Variants in BBX observed in about 807,000 individuals in gnomAD.
BBX encodes the protein BBX high mobility group box domain containing.
In BBX, 30 loss-of-function variants were observed where a neutral mutation model predicts 100.2. The observed-to-expected ratio is 0.30, with a 90% confidence interval of 0.22 to 0.41. The LOEUF (loss-of-function observed/expected upper bound fraction) is 0.41. BBX is among the 10% of genes least tolerant of loss of function. The pLI is 1.00. For missense variants in BBX, 1,023 were observed against 1,129.8 expected, an observed-to-expected ratio of 0.91 and a Z score of 1.35; for synonymous variants, 376 against 388.1, an observed-to-expected ratio of 0.97 and a Z score of 0.37.
chr3:107,559,382 T>C (rs2050318511), intron 2 of BBX, among the ~76,000 whole-genome samples: 1 of 152,176 alleles, frequency 6.6e-6, no homozygotes, highest in South Asian at 2.1e-4. Context: ...ATTGAAAAGA[T>C]ACTACAGAAG....
intron 2 of BBX, among the ~76,000 whole-genome samples, chr3:107,635,197 G>A (rs914340164): frequency 5.3e-5 from 8 of 152,100 alleles, no homozygotes; most frequent in Non-Finnish European, 8.8e-5. Flanking sequence ...AATAGTTTGG[G>A]TATTGATATA....
chr3:107,794,841 A>G (rs528620434), intron 15 of BBX, among the ~76,000 whole-genome samples: 1 of 152,340 alleles, frequency 6.6e-6, no homozygotes, highest in African/African-American at 2.4e-5. Flanking sequence ...TACAAGAGCA[A>G]TGCTGCTTTC....
At chr3:107,645,537 T>C (rs1450337908) in intron 2 of BBX, among the ~76,000 whole-genome samples, 4 of 152,182 alleles carry the variant, frequency 2.6e-5, no homozygotes, top group Non-Finnish European at 5.9e-5. Context: ...TACACTTAAT[T>C]ATAGCCAAAA....
chr3:107,654,187 C>T (rs559036878), intron 3 of BBX, among the ~76,000 whole-genome samples: 114 of 152,290 alleles, frequency 7.5e-4, no homozygotes, highest in African/African-American at 2.5e-3. Context: ...AGGACAGAAG[C>T]ATACAGATCA....
chr3:107,591,965 T>TG (rs1353301650), intron 2 of BBX, among the ~76,000 whole-genome samples: 2 of 152,220 alleles, frequency 1.3e-5, no homozygotes, highest in Non-Finnish European at 2.9e-5. Flanking sequence ...GTCTTTATGC[T>TG]GGTTAGCATT....
Position 107,710,639 on chromosome 3 carries a change from C to A in BBX, c.162+17C>A. On this transcript the variant is annotated intron_variant, in intron 4 of 17. Coordinates refer to ENST00000325805, the MANE Select transcript of BBX (RefSeq NM_001142568.3). Reference sequence around the variant, plus strand: ...ATTGATAAGGTAAGTCCTATATTTACCATAGAAGTTTCAAGTTTATTAGAG... The same window carrying A: ...ATTGATAAGGTAAGTCCTATATTTAACATAGAAGTTTCAAGTTTATTAGAG... The A allele has an allele frequency of 6.4e-7, 1 of 1,565,712 alleles. No homozygotes were observed. Among genetic ancestry groups the A allele is most frequent in the Non-Finnish European group, 8.7e-7 (1 of 1,155,908 alleles).
chr3:107,761,898 G>T (rs987577796), intron 10 of BBX, among the ~76,000 whole-genome samples: 3 of 152,078 alleles, frequency 2.0e-5, no homozygotes, highest in African/African-American at 7.2e-5. Flanking sequence ...GATTTCTGTT[G>T]TGTCTTCATA....
intron 3 of BBX, among the ~76,000 whole-genome samples, chr3:107,667,241 A>G (rs1470240176): frequency 2.0e-5 from 3 of 152,196 alleles, no homozygotes; most frequent in Non-Finnish European, 4.4e-5. Flanking sequence ...TGTTATTATA[A>G]TGTGTCTTTG....
chr3:107,545,948 A>C (rs1192999488), intron 2 of BBX, among the ~76,000 whole-genome samples: 1 of 152,232 alleles, frequency 6.6e-6, no homozygotes, highest in Non-Finnish European at 1.5e-5. Context: ...TAGAAAGGGC[A>C]CTAAAATGTT....
At chr3:107,566,013 A>C (rs2050873653) in intron 2 of BBX, among the ~76,000 whole-genome samples, 1 of 151,532 alleles carries the variant, frequency 6.6e-6, no homozygotes, top group Non-Finnish European at 1.5e-5. Flanking sequence ...ATCTCTACTA[A>C]AAATACAAAA....
At chr3:107,663,313 A>G (rs1390802427) in intron 3 of BBX, among the ~76,000 whole-genome samples, 2 of 152,182 alleles carry the variant, frequency 1.3e-5, no homozygotes, top group African/African-American at 4.8e-5. Context: ...CTTTAGAATC[A>G]TGATGAATCT....
chr3:107,634,578 A>G lies in BBX; in HGVS notation c.-83-11258A>G, dbSNP rs2107740552. Among the ~76,000 whole-genome samples the G allele has an allele frequency of 2.0e-5, 3 of 152,340 alleles. No homozygotes were observed. The Middle Eastern group carries it at 0.01, about 518-fold the overall frequency. Reference sequence around the variant, plus strand: ...GACAATCTCTTGAAGATTCCCCAAAATTTATTATATGAAACTTGTTGCTGA... The same window carrying G: ...GACAATCTCTTGAAGATTCCCCAAAGTTTATTATATGAAACTTGTTGCTGA... On this transcript the variant is annotated intron_variant, in intron 2 of 17. Coordinates refer to ENST00000325805, the MANE Select transcript of BBX (RefSeq NM_001142568.3).
intron 3 of BBX, among the ~76,000 whole-genome samples, chr3:107,675,647 G>T (rs965795712): frequency 6.6e-6 from 1 of 152,088 alleles, no homozygotes; most frequent in African/African-American, 2.4e-5. Flanking sequence ...AGTACCTTAA[G>T]AAGCTTTTAA....
intron 10 of BBX, among the ~76,000 whole-genome samples, chr3:107,770,978 A>G (rs2066858869): frequency 6.6e-6 from 1 of 152,210 alleles, no homozygotes; most frequent in Non-Finnish European, 1.5e-5. Flanking sequence ...TTGCCATTTA[A>G]TAAAATGATG....
chr3:107,595,436 C>T (rs1405098373), intron 2 of BBX, among the ~76,000 whole-genome samples: 1 of 152,130 alleles, frequency 6.6e-6, no homozygotes, highest in Non-Finnish European at 1.5e-5. Flanking sequence ...TGGGAATGAA[C>T]CTGAGGTTTC....
chr3:107,803,298 AG>A (rs1406519925), intron 17 of BBX, among the ~76,000 whole-genome samples: 1 of 152,200 alleles, frequency 6.6e-6, no homozygotes, highest in Non-Finnish European at 1.5e-5. Flanking sequence ...AATAGCTAGA[AG>A]GACAGATCAC....
intron 2 of BBX, among the ~76,000 whole-genome samples, chr3:107,532,974 A>G (rs777166942): frequency 6.6e-5 from 10 of 151,914 alleles, no homozygotes; most frequent in African/African-American, 2.2e-4. Context: ...CTGAAAAACT[A>G]AAAGTTTTTT....
intron 3 of BBX, among the ~76,000 whole-genome samples, chr3:107,690,384 G>T (rs984896341): frequency 6.6e-6 from 1 of 152,116 alleles, no homozygotes; most frequent in African/African-American, 2.4e-5. Context: ...GGAAAGGCTT[G>T]GTTAGACACT....
chr3:107,526,115 C>T (rs2047754775), intron 1 of BBX, among the ~76,000 whole-genome samples: 1 of 152,108 alleles, frequency 6.6e-6, no homozygotes, highest in African/African-American at 2.4e-5. Flanking sequence ...TGGGTTGCCC[C>T]CCAGCCTCTG....
Sources: gnomAD v4.1 joint callset for allele counts (sites outside exome capture counted in the v4.1 genomes callset) on GRCh38, gnomAD v4.1.1 for gene constraint, MANE v1.5 for transcripts, NCBI Gene and HGNC (gene_info 2026-07-23, HGNC 2026-07-21) for gene names.